The following DPP10 variants were observed in gnomAD, a reference collection of about 807,000 sequenced individuals.
DPP10 encodes dipeptidyl peptidase like 10.
A neutral mutation model predicts 120.9 loss-of-function variants in DPP10; 33 were observed. That is an observed-to-expected ratio of 0.27 (90% CI 0.21 to 0.37). DPP10 has a LOEUF of 0.37. DPP10 is among the 10% of genes least tolerant of loss of function. The pLI is 1.00. For missense variants in DPP10, 816 were observed against 942.8 expected (o/e 0.87, Z 1.76); for synonymous variants, 337 against 326.1 (o/e 1.03, Z -0.36).
At chr2:115,277,309 TG>T (rs111860541) in intron 1 of DPP10, among the ~76,000 whole-genome samples, 211 of 152,248 alleles carry the variant, frequency 1.4e-3, no homozygotes, top group African/African-American at 4.9e-3. Context: ...TCAAGTGCAA[TG>T]GCAATGAATA....
chr2:114,930,560 C>A lies in DPP10; in HGVS notation c.61-378679C>A, dbSNP rs75736205. On this transcript the variant is annotated intron_variant, in intron 1 of 25. Transcript: ENST00000410059. ...AAGTTCCTCATTTCCATCTGAGGTGCCATCAGCATAACTTTTACTGTCTAT... is the reference window on the plus strand; with the variant it reads ...AAGTTCCTCATTTCCATCTGAGGTGACATCAGCATAACTTTTACTGTCTAT... Among the ~76,000 whole-genome samples, 484 of 152,294 alleles carry A rather than the reference C, an allele frequency of 3.2e-3. 1 individual carries two copies. Among genetic ancestry groups the A allele is most frequent in the African/African-American group, 0.011 (473 of 41,550 alleles).
intron 1 of DPP10, among the ~76,000 whole-genome samples, chr2:115,046,510 T>C (rs1374984207): frequency 3.3e-5 from 5 of 152,142 alleles, no homozygotes; most frequent in Admixed American, 3.3e-4. Flanking sequence ...ATCCAATTAG[T>C]CCTATCTTGA....
At chr2:114,814,701 C>A (rs566605519) in intron 1 of DPP10, among the ~76,000 whole-genome samples, 9 of 152,168 alleles carry the variant, frequency 5.9e-5, no homozygotes, top group Admixed American at 1.3e-4. Flanking sequence ...AAAAAAAAAG[C>A]TGACTCCATT....
chr2:114,713,542 C>T (rs1390953929), intron 1 of DPP10, among the ~76,000 whole-genome samples: 2 of 152,126 alleles, frequency 1.3e-5, no homozygotes, highest in African/African-American at 4.8e-5. Flanking sequence ...CTGAACTGAA[C>T]AATACAAAAA....
At chr2:114,929,063 C>T (rs1230450399) in intron 1 of DPP10, among the ~76,000 whole-genome samples, 6 of 152,106 alleles carry the variant, frequency 3.9e-5, no homozygotes, top group Non-Finnish European at 8.8e-5. Flanking sequence ...GGTAACATCA[C>T]CTATTGGTAG....
chr2:114,993,174 T>C (rs568487259), intron 1 of DPP10, among the ~76,000 whole-genome samples: 1 of 152,274 alleles, frequency 6.6e-6, no homozygotes, highest in East Asian at 1.9e-4. Context: ...ACAAAAATGA[T>C]CACTCACTCA....
chr2:115,018,421 T>C (rs62164483), intron 1 of DPP10, among the ~76,000 whole-genome samples: 11,817 of 152,248 alleles, frequency 0.078, 690 homozygotes, highest in Non-Finnish European at 0.1. Context: ...ATGTTTATTG[T>C]GGCATTATTC....
At chr2:114,487,498 G>A (rs974897883) in intron 1 of DPP10, among the ~76,000 whole-genome samples, 1 of 152,166 alleles carries the variant, frequency 6.6e-6, no homozygotes, top group African/African-American at 2.4e-5. Context: ...CAACAGAAAT[G>A]ACAATCTTTA....
intron 25 of DPP10, among the ~76,000 whole-genome samples, chr2:115,841,263 TA>T (rs1690116296): frequency 6.6e-6 from 1 of 152,106 alleles, no homozygotes; most frequent in African/African-American, 2.4e-5. Context: ...AAATAGTGGA[TA>T]AAAAATGTTT....
At chr2:115,835,451 G>A (rs1689383161) in intron 21 of DPP10, among the ~76,000 whole-genome samples, 2 of 152,148 alleles carry the variant, frequency 1.3e-5, no homozygotes, top group Admixed American at 1.3e-4. Context: ...AAGAGAGGGA[G>A]AGAAAGAGAG....
At chr2:115,389,708 G>A (rs1447581980) in intron 3 of DPP10, among the ~76,000 whole-genome samples, 4 of 152,076 alleles carry the variant, frequency 2.6e-5, no homozygotes, top group African/African-American at 9.7e-5. Flanking sequence ...ATTCTAGAGT[G>A]GCTCAACCTA....
chr2:115,558,817 G>T (rs531862967), intron 5 of DPP10, among the ~76,000 whole-genome samples: 4 of 152,282 alleles, frequency 2.6e-5, no homozygotes, highest in Admixed American at 1.3e-4. Context: ...GTAGGGACTT[G>T]TAGGCATTTG....
intron 1 of DPP10, among the ~76,000 whole-genome samples, chr2:115,121,274 T>C (rs548867866): frequency 6.6e-6 from 1 of 152,222 alleles, no homozygotes; most frequent in Non-Finnish European, 1.5e-5. Flanking sequence ...TATAAAGGTG[T>C]GTGAATCTTT....
intron 2 of DPP10, among the ~76,000 whole-genome samples, chr2:115,336,964 G>T (rs2106215966): frequency 6.6e-6 from 1 of 152,002 alleles, no homozygotes; most frequent in Admixed American, 6.6e-5. Context: ...ATTTCTCTAG[G>T]TGATTCTCCC....
At chr2:115,127,731 A>G (rs2050148556) in intron 1 of DPP10, among the ~76,000 whole-genome samples, 1 of 152,202 alleles carries the variant, frequency 6.6e-6, no homozygotes, top group African/African-American at 2.4e-5. Context: ...CTACTTTACT[A>G]TACACATTTA....
chr2:114,744,323 G>A (rs920094414), intron 1 of DPP10, among the ~76,000 whole-genome samples: 2 of 152,168 alleles, frequency 1.3e-5, no homozygotes, highest in African/African-American at 4.8e-5. Context: ...TTTATCTAAG[G>A]AGACTATTGG....
intron 1 of DPP10, among the ~76,000 whole-genome samples, chr2:114,652,073 A>T (rs1162021954): frequency 6.6e-6 from 1 of 152,140 alleles, no homozygotes; most frequent in Non-Finnish European, 1.5e-5. Flanking sequence ...CGTGCAAGGG[A>T]TGACAAAGGC....
At chr2:115,170,587 C>T (rs940364849) in intron 1 of DPP10, among the ~76,000 whole-genome samples, 3 of 152,116 alleles carry the variant, frequency 2.0e-5, no homozygotes, top group South Asian at 2.1e-4. Flanking sequence ...AAAGACGATA[C>T]GTTTCACCTG....
intron 5 of DPP10, among the ~76,000 whole-genome samples, chr2:115,561,704 G>A (rs1373922162): frequency 3.3e-5 from 5 of 152,044 alleles, no homozygotes; most frequent in African/African-American, 1.2e-4. Flanking sequence ...TTTCCTTATG[G>A]AAGGAAAATA....
Sources: gnomAD v4.1 joint callset for allele counts (sites outside exome capture counted in the v4.1 genomes callset) on GRCh38, gnomAD v4.1.1 for gene constraint, MANE v1.5 for transcripts, NCBI Gene and HGNC (gene_info 2026-07-23, HGNC 2026-07-21) for gene names.